Variants in CEP131 observed in about 807,000 individuals in gnomAD.
CEP131 encodes the protein centrosomal protein of 131 kDa.
In CEP131, 99 loss-of-function variants were observed where a neutral mutation model predicts 136.8. That is an observed-to-expected ratio of 0.72 (90% CI 0.62 to 0.86). CEP131 has a LOEUF of 0.86. Ranked by LOEUF, CEP131 falls within the 40% of genes least tolerant of loss-of-function variation. The pLI is 0.00. For missense variants in CEP131, 1,459 were observed against 1,463.0 expected (o/e 1.00, Z 0.04); for synonymous variants, 646 against 612.7 (o/e 1.05, Z -0.80).
In CEP131 at chr17:81,194,699, G is replaced by A. The variant is rs115997035; in HGVS notation, c.2119+171C>T. On this transcript the variant is annotated intron_variant, in intron 17 of 25. Coordinates refer to ENST00000450824, the MANE Select transcript of CEP131 (RefSeq NM_014984.4). ...GGAGCCCACCTGCCCCCCGGGTCAC[G>A]GCAGAAGCCGCAGCGGAGGCCGTGA... is the stretch of plus-strand genomic sequence containing the variant. 8.9e-3 allele frequency among the ~76,000 whole-genome samples: 1,359 copies of A among 152,354 alleles called. 3 individuals carry two copies. The highest frequency in any genetic ancestry group is 0.013 in the Non-Finnish European group (851 of 68,030).
chr17:81,194,263 C>G (rs544504140), intron 17 of CEP131, 136 bp from the exon 18 acceptor site: 1 of 790,626 alleles, frequency 1.3e-6, no homozygotes, highest in South Asian at 2.1e-5. Flanking sequence ...CAACCCGAAG[C>G]ACAGCTGAGT....
At chr17:81,193,892 G>T (rs1442670705) in intron 18 of CEP131, 34 bp downstream of exon 18, 1 of 1,529,320 alleles carries the variant, frequency 6.5e-7, no homozygotes, top group South Asian at 1.2e-5. Context: ...CGCCCTGAGG[G>T]TCCTGGCCCC....
intron 3 of CEP131, 25 bp from the exon 4 acceptor site, chr17:81,207,264 C>T (rs1352084371): frequency 1.2e-6 from 2 of 1,607,874 alleles, no homozygotes; most frequent in Non-Finnish European, 8.5e-7. Context: ...GGGCGGCACA[C>T]AAGGAAAGAG....
rs1039912128 is a variant in CEP131 at position 81,215,693 on chromosome 17, C to T, written c.177+4187G>A. Reference sequence around the variant, plus strand: ...TCCCAAAGTGCTGGGATTACAGGCACGGGCCACCGCACCTGGCCCCCCTTT... The same window carrying T: ...TCCCAAAGTGCTGGGATTACAGGCATGGGCCACCGCACCTGGCCCCCCTTT... On this transcript the variant is annotated intron_variant, in intron 2 of 25. Transcript: ENST00000450824. This position sits in a 1 kb window ranked among gnomAD's most constrained non-coding sequence, Gnocchi z 4.1. Among the ~76,000 whole-genome samples, 5 of 151,836 alleles carry T rather than the reference C, an allele frequency of 3.3e-5. No homozygotes were observed. Among genetic ancestry groups the T allele is most frequent in the East Asian group, 3.9e-4 (2 of 5,108 alleles).
At chr17:81,207,933 CACCAT>C (rs1567872683) in intron 3 of CEP131, among the ~76,000 whole-genome samples, 4 of 145,370 alleles carry the variant, frequency 2.8e-5, no homozygotes, top group Admixed American at 6.8e-5. Flanking sequence ...ACACACCACA[CACCAT>C]ACACCACACA....
chr17:81,197,626 A>T, intron 13 of CEP131, 86 bp downstream of exon 13: 1 of 1,484,312 alleles, frequency 6.7e-7, no homozygotes, highest in Non-Finnish European at 8.9e-7. Flanking sequence ...CGGGCTGGTG[A>T]GGGGCCTCCT....
intron 2 of CEP131, among the ~76,000 whole-genome samples, chr17:81,211,273 C>T (rs1470373938): frequency 6.6e-6 from 1 of 152,146 alleles, no homozygotes; most frequent in African/African-American, 2.4e-5. Flanking sequence ...GAAAGGTGTT[C>T]GGGAGGTCAG....
In CEP131 at chr17:81,220,516, CAG is replaced by C. The variant is rs544876536; in HGVS notation, c.-17-445_-17-444del. On this transcript the variant is annotated intron_variant, in intron 1 of 25. Transcript: ENST00000450824. Reference sequence around the variant, plus strand: ...TTTTTATTTTATTATGTTTTTGAAACAGAGTCTCGTTCTTGTCACCCAGGCTG... The same window carrying C: ...TTTTTATTTTATTATGTTTTTGAAACAGTCTCGTTCTTGTCACCCAGGCTG... Among the ~76,000 whole-genome samples the C allele has an allele frequency of 1.0e-3, 158 of 152,234 alleles. 2 individuals are homozygous for C. The South Asian group carries it at 0.031, about 30-fold the overall frequency.
intron 1 of CEP131, among the ~76,000 whole-genome samples, chr17:81,220,626 C>G (rs2062366311): frequency 6.6e-6 from 1 of 152,116 alleles, no homozygotes; most frequent in Admixed American, 6.5e-5. Context: ...TCCTGAGTAG[C>G]TGGGATTACA....
At position 81,200,344 on chromosome 17, in the gene CEP131, A is replaced by C. The variant is rs2146575387; in HGVS notation, c.891T>G (p.Leu297=). The stretch of plus-strand genomic sequence containing the variant: ...CCACACTGACCTCCCGCTTGGCCTG[A>C]AGCAAGTGCTCCAGGCGGGCAGCTC... ...GAGAARLEHL[L]QAKREEQRQR... Residue 297 remains leucine, a synonymous_variant, in exon 8 of 26, where the codon CTT becomes CTG. Coordinates refer to ENST00000450824, the MANE Select transcript of CEP131 (RefSeq NM_014984.4). The C allele has an allele frequency of 6.3e-6, 10 of 1,598,996 alleles. No individual in the cohort carries two copies. Among genetic ancestry groups the C allele is most frequent in the Non-Finnish European group, 8.5e-6 (10 of 1,173,332 alleles).
At chr17:81,193,006 G>T (rs1298527709) in intron 18 of CEP131, among the ~76,000 whole-genome samples, 163 bp from the exon 19 acceptor site, 1 of 152,194 alleles carries the variant, frequency 6.6e-6, no homozygotes, top group African/African-American at 2.4e-5. Flanking sequence ...CAAAGCCACC[G>T]CCCGGGGGCA....
chr17:81,189,986 TA>T lies in CEP131; in HGVS notation c.3108-12del, dbSNP rs758719110. On this transcript the variant is annotated splice_polypyrimidine_tract_variant and intron_variant, in intron 24 of 25. Coordinates refer to ENST00000450824, the MANE Select transcript of CEP131 (RefSeq NM_014984.4). ...AGGGCTGTCTTCACCCTGTGGGTAG[TA>T]CATGGTAGGCTTCAGTGTGGCCCCC... is the stretch of plus-strand genomic sequence containing the variant. 1.9e-4 allele frequency: 303 copies of T among 1,600,172 alleles called. No individual in the cohort carries two copies. Among genetic ancestry groups the T allele is most frequent in the Non-Finnish European group, 2.4e-4 (282 of 1,170,536 alleles).
intron 24 of CEP131, 40 bp downstream of exon 24, chr17:81,190,599 C>T: frequency 1.3e-6 from 2 of 1,511,860 alleles, no homozygotes; most frequent in Non-Finnish European, 1.8e-6. Context: ...CGCTCCCCTG[C>T]CCCGCCTCCG....
At chr17:81,194,278 A>T in intron 17 of CEP131, 151 bp from the exon 18 acceptor site, 1 of 721,892 alleles carries the variant, frequency 1.4e-6, no homozygotes, top group Non-Finnish European at 2.1e-6. Context: ...CTGAGTCTTG[A>T]CGCCCACGAG....
At chr17:81,193,143 C>T (rs1435027087) in intron 18 of CEP131, among the ~76,000 whole-genome samples, 2 of 152,236 alleles carry the variant, frequency 1.3e-5, no homozygotes, top group South Asian at 2.1e-4. Flanking sequence ...GCCCGTGTGC[C>T]GGCCTCACCC....
Position 81,203,337 on chromosome 17 carries a change from T to C in CEP131, c.629+157A>G, listed in dbSNP as rs1207982848. On this transcript the variant is annotated intron_variant, in intron 6 of 25. Coordinates refer to ENST00000450824, the MANE Select transcript of CEP131 (RefSeq NM_014984.4). The surrounding 1 kb of genome is among the most constrained non-coding windows in gnomAD (Gnocchi z 4.6). Reference sequence around the variant, plus strand: ...CACTGACCACGTGCCCTGACCGAGGTTGGACCCCATGCACACTGACCGCAT... The same window carrying C: ...CACTGACCACGTGCCCTGACCGAGGCTGGACCCCATGCACACTGACCGCAT... 1.3e-5 allele frequency among the ~76,000 whole-genome samples: 2 copies of C among 152,110 alleles called. No homozygotes were observed. The highest frequency in any genetic ancestry group is 2.4e-5 in the African/African-American group (1 of 41,418).
At chr17:81,192,624 G>GGTCATCGA in intron 19 of CEP131, 31 bp from the exon 20 acceptor site, 1 of 1,575,182 alleles carries the variant, frequency 6.3e-7, no homozygotes, top group Non-Finnish European at 8.6e-7. Context: ...GCAGGTGAGG[G>GGTCATCGA]GTCATCGAGT....
At chr17:81,220,440 C>A (rs537183179) in intron 1 of CEP131, among the ~76,000 whole-genome samples, 1 of 152,326 alleles carries the variant, frequency 6.6e-6, no homozygotes, top group South Asian at 2.1e-4. Flanking sequence ...CTGAGAAAGT[C>A]ACTGCCCCGA....
Position 81,191,003 on chromosome 17 carries a change from C to T in CEP131, c.2847G>A (p.Ser949=), listed in dbSNP as rs565029423. Reference sequence around the variant, plus strand: ...CCTCCCCAAGCTGGCCCTTCAGCTCCGAGCACCGCTCCTGAAGCTTCCGCT... The same window carrying T: ...CCTCCCCAAGCTGGCCCTTCAGCTCTGAGCACCGCTCCTGAAGCTTCCGCT... ...QSERKLQERC[S]ELKGQLGEAE... is the part of the protein sequence containing the mutation. The change falls in exon 23 of 26, where the codon TCG becomes TCA. Residue 949 remains serine, a synonymous_variant. Transcript: ENST00000450824. 1.7e-5 allele frequency: 28 copies of T among 1,609,392 alleles called. No homozygotes were observed. Among genetic ancestry groups the T allele is most frequent in the Middle Eastern group, 1.6e-4 (1 of 6,062 alleles).
Sources: allele counts gnomAD v4.1 joint callset (sites outside exome capture counted in the v4.1 genomes callset), GRCh38; gene constraint gnomAD v4.1.1; non-coding constraint Gnocchi (gnomAD v3.1); transcripts MANE v1.5; gene names NCBI Gene and HGNC (gene_info 2026-07-23, HGNC 2026-07-21).